RNF44: variants seen among roughly 807,000 people sequenced by gnomAD.
The protein encoded by RNF44 is ring finger protein 44.
RNF44 carries 25 observed loss-of-function variants against 53.6 expected under a neutral mutation model. That is an observed-to-expected ratio of 0.47 (90% CI 0.34 to 0.65). The LOEUF is 0.65. RNF44 is among the 30% of genes least tolerant of loss of function. The pLI is 0.01. For missense variants in RNF44, 581 were observed against 595.5 expected (o/e 0.98, Z 0.25); for synonymous variants, 282 against 252.2 (o/e 1.12, Z -1.12).
chr5:176,539,817 T>C (rs946793329), upstream of RNF44, among the ~76,000 whole-genome samples: 3 of 152,214 alleles, frequency 2.0e-5, no homozygotes, highest in Non-Finnish European at 2.9e-5. Flanking sequence ...GTTTTGGGGC[T>C]GCACTTAACA....
rs1581093145 is a variant in RNF44, at chr5:176,528,830, A to G, written c.*198T>C. On this transcript the variant is annotated 3_prime_UTR_variant, in exon 11 of 11. Transcript: ENST00000274811. ...GGGCGGGCAGGCAGGCAGACTAGGG[A>G]GGGAGTCTTTGGAGCTTGGCAAATG... 1.2e-5 allele frequency: 7 copies of G among 607,296 alleles called. No individual in the cohort carries two copies. The East Asian group carries it at 2.0e-4, about 17-fold the overall frequency. The allele number at this position is 607,296 out of a possible 1,614,324, so 37.6% of individuals were successfully genotyped here.
In RNF44 at chr5:176,528,924, C is replaced by T. The variant is rs1209122873; in HGVS notation, c.*104G>A. On this transcript the variant is annotated 3_prime_UTR_variant, in exon 11 of 11. Coordinates refer to ENST00000274811, the MANE Select transcript of RNF44 (RefSeq NM_014901.5). ...CCAGCTCTGGAAATGCAGGCAGGAGCGAAGGGGCAGGCCTGGGCCACTCCC... is the reference window on the plus strand; with the variant it reads ...CCAGCTCTGGAAATGCAGGCAGGAGTGAAGGGGCAGGCCTGGGCCACTCCC... The T allele has an allele frequency of 1.6e-5, 17 of 1,089,324 alleles. No homozygotes were observed. The highest frequency in any genetic ancestry group is 2.4e-5 in the Admixed American group (1 of 41,070). The allele number at this position is 1,089,324 out of a possible 1,614,324, so 67.5% of individuals were successfully genotyped here.
chr5:176,528,038 G>C lies in RNF44; in HGVS notation c.*990C>G. 6.5e-6 allele frequency: 1 copy of C among 152,764 alleles called. No homozygotes were observed. The allele number at this position is 152,764 out of a possible 1,614,324, so 9.5% of individuals were successfully genotyped here. A position where few individuals can be genotyped will look rare whatever the true frequency, so the allele number is the denominator to read the frequency against. On this transcript the variant is annotated 3_prime_UTR_variant, in exon 11 of 11. Transcript: ENST00000274811. ...CAGCTGAGCACAGACCCCCAACCCTGCCCCACGACCGCCGGCCGCCCAGCC... is the reference window on the plus strand; with the variant it reads ...CAGCTGAGCACAGACCCCCAACCCTCCCCCACGACCGCCGGCCGCCCAGCC...
chr5:176,540,353 C>A (rs979826891), upstream of RNF44, among the ~76,000 whole-genome samples: 1 of 152,200 alleles, frequency 6.6e-6, no homozygotes, highest in Admixed American at 6.5e-5. Flanking sequence ...AGGAAAGCGA[C>A]CCTCCAGCCA....
rs1452491778 is a variant in RNF44 at position 176,529,510 on chromosome 5, G to A, written c.1136+13C>T. 1.9e-6 allele frequency: 3 copies of A among 1,613,806 alleles called. No homozygotes were observed. Among genetic ancestry groups the A allele is most frequent in the Admixed American group, 1.7e-5 (1 of 60,024 alleles). ...TGTGTTCAGAGGGGTGGGAGGTGGG[G>A]CAGGGTACTCACAGCGTCTGCTCCG... On this transcript the variant is annotated intron_variant, in intron 9 of 10. Transcript: ENST00000274811.
the RNF44 span, among the ~76,000 whole-genome samples, chr5:176,543,287 C>T: frequency 2.0e-5 from 3 of 146,538 alleles, no homozygotes; most frequent in South Asian, 2.1e-4. This position sits in a 1 kb window ranked among gnomAD's most constrained non-coding sequence, Gnocchi z 4.0. Flanking sequence ...GCTCCACCCC[C>T]ACCCGGCGGC....
At position 176,530,923 on chromosome 5, in the gene RNF44, C is replaced by T. The variant is rs772957233; in HGVS notation, c.564G>A (p.Pro188=). ...TGTGGGTGGGCTGGGGGGGTGGGGC[C>T]GGTGGTGGGGGGTGCAGGATGTAGT... ...SDHYILHPPP[P]APPPQPTHMA... is the part of the protein sequence containing the mutation. The change falls in exon 5 of 11, where the codon CCG becomes CCA. Residue 188 remains proline, a synonymous_variant. Coordinates refer to ENST00000274811, the MANE Select transcript of RNF44 (RefSeq NM_014901.5). The T allele has an allele frequency of 1.7e-5, 21 of 1,245,988 alleles. No homozygotes were observed. The East Asian group carries it at 2.1e-4, about 12-fold the overall frequency. 77.2% of individuals were successfully genotyped at this position (1,245,988 alleles called of 1,614,324 possible). A position where few individuals can be genotyped will look rare whatever the true frequency, so the allele number is the denominator to read the frequency against.
rs1757288645 is a variant in RNF44 at position 176,537,321 on chromosome 5, C to G, written c.-426G>C. On this transcript the variant is annotated 5_prime_UTR_variant, in exon 1 of 11. Coordinates refer to ENST00000274811, the MANE Select transcript of RNF44 (RefSeq NM_014901.5). ...CACATTTGATTCACAACATTCGAAGCGGCGGGGTCGCGCGCCAGACGGGAG... is the reference window on the plus strand; with the variant it reads ...CACATTTGATTCACAACATTCGAAGGGGCGGGGTCGCGCGCCAGACGGGAG... The G allele has an allele frequency of 6.6e-6, 1 of 152,196 alleles. No individual in the cohort carries two copies. The highest frequency in any genetic ancestry group is 2.4e-5 in the African/African-American group (1 of 41,454). 9.4% of individuals were successfully genotyped at this position (152,196 alleles called of 1,614,324 possible).
chr5:176,535,826 C>T (rs749279264), intron 1 of RNF44, among the ~76,000 whole-genome samples: 3 of 152,200 alleles, frequency 2.0e-5, no homozygotes, highest in Non-Finnish European at 2.9e-5. Context: ...TCTGCCCGTC[C>T]ACATCTCCAT....
rs755466389 is a variant in RNF44 at position 176,532,476 on chromosome 5, G to C, written c.-4C>G. ...CTGCCAGAGCCCATGGTCGCATCGG[G>C]GGGGCAGGGGGGTGGAGGGGCTGGG... is the stretch of plus-strand genomic sequence containing the variant. On this transcript the variant is annotated 5_prime_UTR_variant, in exon 2 of 11. Transcript: ENST00000274811. 1.0e-5 allele frequency: 16 copies of C among 1,576,544 alleles called. No homozygotes were observed. The African/African-American group carries it at 1.2e-4, about 12-fold the overall frequency.
At position 176,530,129 on chromosome 5, in the gene RNF44, T is replaced by TGGGGGCGGC. The variant is rs1468909181; in HGVS notation, c.870_878dup (p.Pro297_Pro299dup). ...GGTAGTAGGGTGGTGGGGGTGGGGGTGGGGGCGGCGGGGGCAGTGGCTGCT... is the reference window on the plus strand; with the variant it reads ...GGTAGTAGGGTGGTGGGGGTGGGGGTGGGGGCGGCGGGGGCGGCGGGGGCAGTGGCTGCT... On this transcript the variant is annotated inframe_insertion, in exon 7 of 11. Transcript: ENST00000274811. 6 of 81,226 alleles carry TGGGGGCGGC rather than the reference T, an allele frequency of 7.4e-5. No homozygotes were observed. In the African/African-American group the frequency reaches 2.8e-3, roughly 38 times the overall value. The allele number at this position is 81,226 out of a possible 1,614,324, so 5.0% of individuals were successfully genotyped here. A position where few individuals can be genotyped will look rare whatever the true frequency, so the allele number is the denominator to read the frequency against.
chr5:176,530,690 C>T lies in RNF44; in HGVS notation c.693G>A (p.Leu231=), dbSNP rs1235664813. ...DVDLRGDQPS[L]GSFTYSTSAP... ...CAGAGGTGGAGTAGGTGAAGCTGCC[C>T]AGGGAGGGCTGGTCCCCACGCAGGT... The change falls in exon 6 of 11, where the codon CTG becomes CTA. Residue 231 remains leucine (L), a synonymous_variant. Coordinates refer to ENST00000274811, the MANE Select transcript of RNF44 (RefSeq NM_014901.5). 6.5e-7 allele frequency: 1 copy of T among 1,549,258 alleles called. No individual in the cohort carries two copies. The highest frequency in any genetic ancestry group is 2.0e-5 in the Admixed American group (1 of 49,456).
chr5:176,540,474 G>C (rs1302327014), upstream of RNF44, among the ~76,000 whole-genome samples: 2 of 152,188 alleles, frequency 1.3e-5, no homozygotes, highest in Non-Finnish European at 2.9e-5. Flanking sequence ...TTATGCTTTG[G>C]GACTAGCTCA....
chr5:176,542,092 T>A (rs1244600121), upstream of RNF44, among the ~76,000 whole-genome samples: 1 of 152,188 alleles, frequency 6.6e-6, no homozygotes. Context: ...CGTCTGGGGC[T>A]CTGGCCCTCA....
At chr5:176,535,806 T>C (rs1273594756) in intron 1 of RNF44, among the ~76,000 whole-genome samples, 1 of 152,194 alleles carries the variant, frequency 6.6e-6, no homozygotes, top group Non-Finnish European at 1.5e-5. Context: ...TGGCCTCCCC[T>C]AACAACTGCT....
rs890773666 is a variant in RNF44, at chr5:176,527,097, C to T, written c.*1931G>A. The T allele has an allele frequency of 2.0e-5, 3 of 151,986 alleles. No individual in the cohort carries two copies. The highest frequency in any genetic ancestry group is 3.9e-4 in the East Asian group (2 of 5,178). The allele number at this position is 151,986 out of a possible 1,614,324, so 9.4% of individuals were successfully genotyped here. On this transcript the variant is annotated 3_prime_UTR_variant, in exon 11 of 11. Transcript: ENST00000274811. The stretch of plus-strand genomic sequence containing the variant: ...ATGTAATTTTATATATATATAAAAC[C>T]TTTCTAACACAGAACACAGGCGCTG...
chr5:176,534,968 G>C (rs1403233948), intron 1 of RNF44, among the ~76,000 whole-genome samples: 1 of 152,244 alleles, frequency 6.6e-6, no homozygotes, highest in Non-Finnish European at 1.5e-5. Flanking sequence ...AGGCACTCCT[G>C]CAGAGGCCCA....
At chr5:176,540,168 A>G (rs1172557808), upstream of RNF44, among the ~76,000 whole-genome samples, 1 of 152,126 alleles carries the variant, frequency 6.6e-6, no homozygotes, top group East Asian at 1.9e-4. Context: ...TGTCTCACTC[A>G]GTAATTCCCC....
rs935527744 is a variant in RNF44 at position 176,528,287 on chromosome 5, T to C, written c.*741A>G. On this transcript the variant is annotated 3_prime_UTR_variant, in exon 11 of 11. Transcript: ENST00000274811. ...TGCAAAACAACAGAGGGAGAGGAGA[T>C]TGGGCACGGGTCTGGCTGCATCCCT... 6.6e-6 allele frequency: 1 copy of C among 151,764 alleles called. No homozygotes were observed. The highest frequency in any genetic ancestry group is 1.5e-5 in the Non-Finnish European group (1 of 67,920). The allele number at this position is 151,764 out of a possible 1,614,324, so 9.4% of individuals were successfully genotyped here. A position where few individuals can be genotyped will look rare whatever the true frequency, so the allele number is the denominator to read the frequency against.
Sources: gnomAD v4.1 joint callset for allele counts (sites outside exome capture counted in the v4.1 genomes callset) on GRCh38, gnomAD v4.1.1 for gene constraint, Gnocchi (gnomAD v3.1) non-coding constraint, MANE v1.5 for transcripts, NCBI Gene and HGNC (gene_info 2026-07-23, HGNC 2026-07-21) for gene names.